The following KCNQ4 variants were observed in gnomAD, a reference collection of about 807,000 sequenced individuals.
KCNQ4 encodes the protein potassium voltage-gated channel subfamily Q member 4, also known as potassium voltage-gated channel subfamily KQT member 4.
KCNQ4 carries 31 observed loss-of-function variants against 72.6 expected under a neutral mutation model. The ratio of observed to expected loss-of-function variants is 0.43; its 90% confidence interval spans 0.32 to 0.58. KCNQ4 has a LOEUF of 0.58. KCNQ4 is among the 20% of genes least tolerant of loss of function. The pLI is 0.08. For synonymous variants in KCNQ4, 405 were observed against 403.7 expected (o/e 1.00, Z -0.04); for missense variants, 869 against 962.6 (o/e 0.90, Z 1.29).
intron 9 of KCNQ4, among the ~76,000 whole-genome samples, chr1:40,826,165 G>A (rs1188697477): frequency 6.6e-6 from 1 of 152,214 alleles, no homozygotes; most frequent in South Asian, 2.1e-4. Context: ...ATACACACTC[G>A]GTTGGCCACA....
chr1:40,795,410 C>T (rs1174169080), intron 1 of KCNQ4, among the ~76,000 whole-genome samples: 1 of 151,950 alleles, frequency 6.6e-6, no homozygotes, highest in Non-Finnish European at 1.5e-5. Context: ...CGCAGGTGCA[C>T]GTCACGGCGC....
intron 12 of KCNQ4, among the ~76,000 whole-genome samples, chr1:40,835,373 C>T (rs1031729837): frequency 6.6e-6 from 1 of 152,228 alleles, no homozygotes. Context: ...TTTAGAATGA[C>T]TGTTTCCTGG....
At position 40,784,074 on chromosome 1, in the gene KCNQ4, C is replaced by T. The variant is rs1437874382; in HGVS notation, c.-20C>T. The T allele has an allele frequency of 3.5e-5, 9 of 256,044 alleles. No individual in the cohort carries two copies. Among genetic ancestry groups the T allele is most frequent in the Non-Finnish European group, 5.5e-5 (9 of 164,948 alleles). 15.9% of individuals were successfully genotyped at this position (256,044 alleles called of 1,614,324 possible). On this transcript the variant is annotated 5_prime_UTR_variant, in exon 1 of 14. Coordinates refer to ENST00000347132, the MANE Select transcript of KCNQ4 (RefSeq NM_004700.4). This position sits in a 1 kb window ranked among gnomAD's most constrained non-coding sequence, Gnocchi z 4.1. Reference sequence around the variant, plus strand: ...CCCGGACCGTGCCCGGGCCCCGGCGCCCCCAGCCCGGCGCCGCCCATGGCC... The same window carrying T: ...CCCGGACCGTGCCCGGGCCCCGGCGTCCCCAGCCCGGCGCCGCCCATGGCC...
rs575565145 is a variant in KCNQ4, at chr1:40,822,370, G to C, written c.1098G>C (p.Trp366Cys). 1 of 1,396,756 alleles carries C rather than the reference G, an allele frequency of 7.2e-7. No homozygotes were observed. Among genetic ancestry groups the C allele is most frequent in the Admixed American group, 2.0e-5 (1 of 50,822 alleles). 86.5% of individuals were successfully genotyped at this position (1,396,756 alleles called of 1,614,324 possible). Residue 366 changes from tryptophan to cysteine, a missense_variant, in exon 8 of 14, where the codon TGG becomes TGC. By Grantham distance (215) the Trp-to-Cys change is radical. Transcript: ENST00000347132. ...DMSRAYLTATWYYYDSILPSF... is the reference protein window; with the variant it reads ...DMSRAYLTATCYYYDSILPSF... ...GCCGGGCCTACCTGACAGCCACCTG[G>C]TACTACTATGACAGTATCCTCCCAT...
chr1:40,804,628 C>T (rs1647700309), intron 1 of KCNQ4, among the ~76,000 whole-genome samples: 1 of 151,980 alleles, frequency 6.6e-6, no homozygotes, highest in Non-Finnish European at 1.5e-5. Context: ...CGAGCCCGGG[C>T]AACATGGGGA....
intron 1 of KCNQ4, among the ~76,000 whole-genome samples, chr1:40,808,849 C>T (rs1010173218): frequency 6.6e-6 from 1 of 152,206 alleles, no homozygotes; most frequent in Admixed American, 6.5e-5. Context: ...AAAAGATTCC[C>T]TATACCCTGC....
chr1:40,810,711 G>A (rs1647910171), intron 1 of KCNQ4, among the ~76,000 whole-genome samples: 1 of 152,124 alleles, frequency 6.6e-6, no homozygotes, highest in African/African-American at 2.4e-5. Context: ...TGGATCCAGG[G>A]ACATCCCCAG....
intron 13 of KCNQ4, among the ~76,000 whole-genome samples, chr1:40,838,065 C>T (rs948147780): frequency 1.1e-4 from 17 of 152,042 alleles, no homozygotes; most frequent in Non-Finnish European, 2.4e-4. Flanking sequence ...GACCCCGCCT[C>T]TCAGTTGTCG....
At chr1:40,798,590 T>C (rs372741508) in intron 1 of KCNQ4, among the ~76,000 whole-genome samples, 21 of 152,384 alleles carry the variant, frequency 1.4e-4, no homozygotes, top group African/African-American at 5.0e-4. Context: ...AGCTGAGAAG[T>C]TGCTGACTTA....
intron 1 of KCNQ4, among the ~76,000 whole-genome samples, chr1:40,816,971 G>A (rs916995354): frequency 2.0e-5 from 3 of 152,234 alleles, no homozygotes; most frequent in Non-Finnish European, 4.4e-5. Context: ...CCCTGAGTCA[G>A]TCTATTTCCA....
chr1:40,818,575 C>T lies in KCNQ4; in HGVS notation c.603C>T (p.Ser201=), dbSNP rs1452989473. The change falls in exon 4 of 14, where the codon TCC becomes TCT. Residue 201 remains serine (S), a synonymous_variant. Coordinates refer to ENST00000347132, the MANE Select transcript of KCNQ4 (RefSeq NM_004700.4). ...AGTQGNIFAT[S]ALRSMRFLQI... ...CCCAGGGCAACATCTTCGCCACGTC[C>T]GCGCTGCGCAGCATGCGCTTCCTGC... The T allele has an allele frequency of 1.2e-6, 2 of 1,605,348 alleles. No homozygotes were observed. The highest frequency in any genetic ancestry group is 1.7e-5 in the Admixed American group (1 of 60,012).
At chr1:40,813,222 C>T (rs1158563708) in intron 1 of KCNQ4, among the ~76,000 whole-genome samples, 1 of 152,120 alleles carries the variant, frequency 6.6e-6, no homozygotes, top group African/African-American at 2.4e-5. Flanking sequence ...TCTCTAAGTG[C>T]GATGGAAGTC....
intron 1 of KCNQ4, among the ~76,000 whole-genome samples, chr1:40,796,112 G>A (rs1647401437): frequency 6.6e-6 from 1 of 152,080 alleles, no homozygotes. Context: ...GAGGCCGAGT[G>A]TGCAACGATT....
At position 40,787,750 on chromosome 1, in the gene KCNQ4, G is replaced by C. The variant is rs537845530; in HGVS notation, c.314+3343G>C. Among the ~76,000 whole-genome samples the C allele has an allele frequency of 6.2e-3, 943 of 152,248 alleles. 8 individuals carry two copies. The highest frequency in any genetic ancestry group is 0.022 in the African/African-American group (899 of 41,524). On this transcript the variant is annotated intron_variant, in intron 1 of 13. Transcript: ENST00000347132. The stretch of plus-strand genomic sequence containing the variant: ...AAGCCCTGAAGCCTTCACAGGCCCT[G>C]CTCTCTGAATTTTAAGAAATACCAC...
chr1:40,818,338 G>A lies in KCNQ4; in HGVS notation c.532+48G>A, dbSNP rs774355116. On this transcript the variant is annotated intron_variant, in intron 3 of 13. Coordinates refer to ENST00000347132, the MANE Select transcript of KCNQ4 (RefSeq NM_004700.4). ...ACCTGACCCCTGACCCCAGGAGCCA[G>A]GGTGACGCCTTTACTCCCAATCCCG... is the stretch of plus-strand genomic sequence containing the variant. 12 of 1,611,332 alleles carry A rather than the reference G, an allele frequency of 7.4e-6. No homozygotes were observed. The East Asian group carries it at 2.5e-4, about 33-fold the overall frequency.
intron 12 of KCNQ4, 98 bp downstream of exon 12, chr1:40,835,196 C>T (rs1648775946): frequency 2.0e-6 from 3 of 1,463,766 alleles, no homozygotes; most frequent in Non-Finnish European, 1.9e-6. Flanking sequence ...CCCAAGGGCT[C>T]ACTGCTGCAG....
intron 1 of KCNQ4, among the ~76,000 whole-genome samples, chr1:40,816,496 C>T (rs1351060335): frequency 6.6e-6 from 1 of 152,200 alleles, no homozygotes; most frequent in Non-Finnish European, 1.5e-5. Context: ...GTCCTTCTTC[C>T]TCTTCGGGCC....
chr1:40,830,747 C>T (rs1648617874), intron 9 of KCNQ4, among the ~76,000 whole-genome samples: 1 of 152,002 alleles, frequency 6.6e-6, no homozygotes, highest in South Asian at 2.1e-4. Flanking sequence ...TGCGCCAGGC[C>T]CAGCTCCCAC....
At chr1:40,786,437 T>C (rs115926779) in intron 1 of KCNQ4, among the ~76,000 whole-genome samples, 7,018 of 152,282 alleles carry the variant, frequency 0.046, 162 homozygotes, top group South Asian at 0.092. Flanking sequence ...CATCCTGCCC[T>C]TTCCTGATGC....
Sources: gnomAD v4.1 joint callset for allele counts (sites outside exome capture counted in the v4.1 genomes callset) on GRCh38, gnomAD v4.1.1 for gene constraint, Gnocchi (gnomAD v3.1) non-coding constraint, MANE v1.5 for transcripts, NCBI Gene and HGNC (gene_info 2026-07-23, HGNC 2026-07-21) for gene names.